URB2: variants seen among roughly 807,000 people sequenced by gnomAD.
URB2 encodes URB2 ribosome biogenesis homolog.
Under a neutral mutation model 120.9 loss-of-function variants are expected in URB2, and 86 were observed. That is an observed-to-expected ratio of 0.71 (90% CI 0.60 to 0.85). The LOEUF is 0.85. Among genes scored for constraint, URB2 ranks in the 40% least tolerant of loss-of-function variants. URB2 has a pLI of 0.00. For synonymous variants in URB2, 755 were observed against 758.4 expected, an observed-to-expected ratio of 1.00 and a Z score of 0.07; for missense variants, 1,765 against 1,836.5, an observed-to-expected ratio of 0.96 and a Z score of 0.71.
At position 229,636,584 on chromosome 1, in the gene URB2, G is replaced by A. The variant is rs759015131; in HGVS notation, c.1971G>A (p.Lys657=). The change falls in exon 4 of 10, where the codon AAG becomes AAA. Residue 657 remains lysine (K), a synonymous_variant. Transcript: ENST00000258243. ...CAGGTGTAAAAACACAGCATTGGAA[G>A]AAGATAGAGAAGTTTACAGCTCAGT... ...LLPGVKTQHW[K]KIEKFTAQFS... is the part of the protein sequence containing the mutation. 2 of 1,614,182 alleles carry A rather than the reference G, an allele frequency of 1.2e-6. No individual in the cohort carries two copies. The highest frequency in any genetic ancestry group is 1.1e-5 in the South Asian group (1 of 91,086).
In URB2 at chr1:229,636,027, G is replaced by A. The variant is rs772855980; in HGVS notation, c.1414G>A (p.Glu472Lys). 24 of 1,613,802 alleles carry A rather than the reference G, an allele frequency of 1.5e-5. No individual in the cohort carries two copies. The highest frequency in any genetic ancestry group is 1.6e-4 in the Middle Eastern group (1 of 6,082). ...KLRQVPRLFE[E>K]VLGVICRPAA... ...CCGACAAGTGCCACGGTTGTTTGAAGAGGTTTTGGGGGTGATCTGTCGTCC... is the reference window on the plus strand; with the variant it reads ...CCGACAAGTGCCACGGTTGTTTGAAAAGGTTTTGGGGGTGATCTGTCGTCC... The change falls in exon 4 of 10, where the codon GAG (glutamate) becomes AAG (lysine). Residue 472 changes from glutamate to lysine, a missense_variant. Transcript: ENST00000258243.
At position 229,636,883 on chromosome 1, in the gene URB2, A is replaced by G. The variant is rs115404211; in HGVS notation, c.2270A>G (p.Asp757Gly). ...LTILISYLCP[D>G]DVGYLASVLL... ...ATTTTAATATCCTATCTGTGTCCAG[A>G]TGATGTGGGATACCTGGCCAGTGTC... The change falls in exon 4 of 10, where the codon GAT (aspartate) becomes GGT (glycine). Residue 757 changes from aspartate to glycine, a missense_variant. Coordinates refer to ENST00000258243, the MANE Select transcript of URB2 (RefSeq NM_014777.4). 2.1e-5 allele frequency: 34 copies of G among 1,611,492 alleles called. No individual in the cohort carries two copies. In the African/African-American group the frequency reaches 2.4e-4, roughly 11 times the overall value.
chr1:229,642,537 A>AC (rs1666035421), intron 4 of URB2, among the ~76,000 whole-genome samples: 1 of 152,164 alleles, frequency 6.6e-6, no homozygotes, highest in South Asian at 2.1e-4. Context: ...TGGAAAGATG[A>AC]CCTGGGGCCA....
chr1:229,632,240 T>C, intron 2 of URB2, 29 bp from the exon 3 acceptor site: 1 of 1,490,374 alleles, frequency 6.7e-7, no homozygotes, highest in South Asian at 1.5e-5. Flanking sequence ...AATAAATTTA[T>C]TTTCAGTGTA....
chr1:229,655,057 T>C (rs1666374680), intron 9 of URB2, among the ~76,000 whole-genome samples: 1 of 152,208 alleles, frequency 6.6e-6, no homozygotes. Flanking sequence ...CAAGAGTTCA[T>C]GTATCTTTAC....
In URB2 at chr1:229,636,151, C is replaced by T. The variant is rs747507860; in HGVS notation, c.1538C>T (p.Thr513Met). 1.1e-5 allele frequency: 18 copies of T among 1,614,128 alleles called. No homozygotes were observed. The highest frequency in any genetic ancestry group is 3.3e-4 in the Middle Eastern group (2 of 6,082). The change falls in exon 4 of 10, where the codon ACG becomes ATG. Residue 513 changes from threonine (T) to methionine (M), a missense_variant. Transcript: ENST00000258243. ...CTGCCTCCAAGTCAGATCCTGGACA[C>T]GTGGTCCCTTGTGCTGGAGAAGTTC... is the stretch of plus-strand genomic sequence containing the variant. ...LELPPSQILD[T>M]WSLVLEKFQS...
chr1:229,647,505 T>C lies in URB2; in HGVS notation c.3907-5T>C. On this transcript the variant is annotated splice_polypyrimidine_tract_variant and splice_region_variant and intron_variant, in intron 6 of 9. Coordinates refer to ENST00000258243, the MANE Select transcript of URB2 (RefSeq NM_014777.4). ...ATTTTTCCTTTATTTTATTTTGCCCTTTAGCTCTTAAACCGAGAAGCTTCT... is the reference window on the plus strand; with the variant it reads ...ATTTTTCCTTTATTTTATTTTGCCCCTTAGCTCTTAAACCGAGAAGCTTCT... 6.2e-7 allele frequency: 1 copy of C among 1,611,780 alleles called. No homozygotes were observed. Among genetic ancestry groups the C allele is most frequent in the Non-Finnish European group, 8.5e-7 (1 of 1,178,172 alleles).
At chr1:229,649,394 A>G (rs1666219929) in intron 7 of URB2, among the ~76,000 whole-genome samples, 1 of 152,224 alleles carries the variant, frequency 6.6e-6, no homozygotes, top group Non-Finnish European at 1.5e-5. Context: ...TGCAATGCAC[A>G]TAAATTACAA....
In URB2 at chr1:229,660,120, T is replaced by G. The variant is rs1666489781; in HGVS notation, c.*823T>G. 1 of 152,244 alleles carries G rather than the reference T, an allele frequency of 6.6e-6. No homozygotes were observed. The highest frequency in any genetic ancestry group is 2.4e-5 in the African/African-American group (1 of 41,468). 9.4% of individuals were successfully genotyped at this position (152,244 alleles called of 1,614,324 possible). ...CTTGGAGTATCTTGTTGTAGTCCCT[T>G]TACTATGTGTATGTATATAGATGTG... On this transcript the variant is annotated 3_prime_UTR_variant, in exon 10 of 10. Transcript: ENST00000258243.
intron 4 of URB2, among the ~76,000 whole-genome samples, chr1:229,638,693 C>G (rs1665921731): frequency 6.6e-6 from 1 of 151,930 alleles, no homozygotes; most frequent in African/African-American, 2.4e-5. Flanking sequence ...GACCTCCCTT[C>G]TAGGCCCAGC....
chr1:229,635,013 G>T lies in URB2; in HGVS notation c.400G>T (p.Ala134Ser), dbSNP rs114308095. Residue 134 changes from alanine (A) to serine (S), a missense_variant, in exon 4 of 10, where the codon GCC becomes TCC. Physicochemically the swap from Ala to Ser is moderately conservative, Grantham distance 99. Transcript: ENST00000258243. ...TTGCCAGGGCATCCTGTCGACACCTGCCCTGGCTGTCATCTACACGGCCAA... is the reference window on the plus strand; with the variant it reads ...TTGCCAGGGCATCCTGTCGACACCTTCCCTGGCTGTCATCTACACGGCCAA... ...RCCQGILSTPALAVIYTAKQE... is the reference protein window; with the variant it reads ...RCCQGILSTPSLAVIYTAKQE... The T allele has an allele frequency of 2.6e-5, 42 of 1,613,570 alleles. No individual in the cohort carries two copies. In the South Asian group the frequency reaches 4.6e-4, roughly 18 times the overall value.
rs1215791374 is a variant in URB2, at chr1:229,636,123, G to A, written c.1510G>A (p.Glu504Lys). Residue 504 changes from glutamate (E) to lysine (K), a missense_variant, in exon 4 of 10, where the codon GAG becomes AAG. By Grantham distance (56) the Glu-to-Lys change is moderately conservative (BLOSUM62 1). Coordinates refer to ENST00000258243, the MANE Select transcript of URB2 (RefSeq NM_014777.4). ...CACGGTACTCTCTGCATGCCTCCTG[G>A]AGCTGCCTCCAAGTCAGATCCTGGA... ...PSTVLSACLL[E>K]LPPSQILDTW... The A allele has an allele frequency of 1.9e-6, 3 of 1,614,132 alleles. No homozygotes were observed. The highest frequency in any genetic ancestry group is 2.5e-6 in the Non-Finnish European group (3 of 1,180,054).
Position 229,627,603 on chromosome 1 carries a change from A to G in URB2, c.-13-18A>G, listed in dbSNP as rs1665539942. 2 of 1,598,284 alleles carry G rather than the reference A, an allele frequency of 1.3e-6. No homozygotes were observed. Among genetic ancestry groups the G allele is most frequent in the African/African-American group, 1.4e-5 (1 of 73,802 alleles). Reference sequence around the variant, plus strand: ...ACATTGTTATAGTATTTTTTTTCCCATTGTTTTTAAATTTTAGATAAAGCC... The same window carrying G: ...ACATTGTTATAGTATTTTTTTTCCCGTTGTTTTTAAATTTTAGATAAAGCC... On this transcript the variant is annotated intron_variant, in intron 1 of 9. Coordinates refer to ENST00000258243, the MANE Select transcript of URB2 (RefSeq NM_014777.4).
intron 2 of URB2, among the ~76,000 whole-genome samples, chr1:229,628,170 T>TACATATAC: frequency 6.9e-6 from 1 of 144,178 alleles, no homozygotes; most frequent in African/African-American, 2.5e-5. Flanking sequence ...ATGTATAGTA[T>TACATATAC]ATATGTATAT....
chr1:229,629,522 C>G (rs971136130), intron 2 of URB2, among the ~76,000 whole-genome samples: 1 of 152,130 alleles, frequency 6.6e-6, no homozygotes, highest in Non-Finnish European at 1.5e-5. Context: ...TATGTTTATA[C>G]TATACTGTGG....
chr1:229,632,580 T>C (rs1034653725), intron 3 of URB2, 135 bp downstream of exon 3: 80 of 705,724 alleles, frequency 1.1e-4, no homozygotes, highest in Non-Finnish European at 1.6e-4. Context: ...TGTAATATTA[T>C]TGGAATTAAA....
chr1:229,632,344 G>A lies in URB2; in HGVS notation c.202G>A (p.Glu68Lys). Residue 68 changes from glutamate to lysine, a missense_variant, in exon 3 of 10, where the codon GAA becomes AAA. By Grantham distance (56) the Glu-to-Lys change is moderately conservative. Coordinates refer to ENST00000258243, the MANE Select transcript of URB2 (RefSeq NM_014777.4). The stretch of plus-strand genomic sequence containing the variant: ...GCTTGAACTGAAGGAAGATATTGTT[G>A]AAAGGCTTTGGATCTATATAGATAA... ...KKLELKEDIV[E>K]RLWIYIDNIL... 6.3e-7 allele frequency: 1 copy of A among 1,596,674 alleles called. No homozygotes were observed.
rs751635755 is a variant in URB2, at chr1:229,635,886, C to T, written c.1273C>T (p.Pro425Ser). Residue 425 changes from proline (P) to serine (S), a missense_variant, in exon 4 of 10, where the codon CCA becomes TCA. Coordinates refer to ENST00000258243, the MANE Select transcript of URB2 (RefSeq NM_014777.4). ...LISLNHLILE[P>S]DLDDLLASAW... ...ATCTCTGAATCATTTGATTTTGGAGCCAGACCTGGATGACCTGCTGGCTTC... is the reference window on the plus strand; with the variant it reads ...ATCTCTGAATCATTTGATTTTGGAGTCAGACCTGGATGACCTGCTGGCTTC... 4.3e-6 allele frequency: 7 copies of T among 1,614,210 alleles called. No individual in the cohort carries two copies. The South Asian group carries it at 5.5e-5, about 13-fold the overall frequency.
Position 229,636,715 on chromosome 1 carries a change from G to T in URB2, c.2102G>T (p.Arg701Met), listed in dbSNP as rs775180318. 1 of 1,613,540 alleles carries T rather than the reference G, an allele frequency of 6.2e-7. No homozygotes were observed. The highest frequency in any genetic ancestry group is 1.1e-5 in the South Asian group (1 of 91,026). ...TCTGAAGGAGCCATCCAAAGTTTGAGGTGCGATGCTGCCTTTATTATTGGT... is the reference window on the plus strand; with the variant it reads ...TCTGAAGGAGCCATCCAAAGTTTGATGTGCGATGCTGCCTTTATTATTGGT... ...FRSEGAIQSL[R>M]CDAAFIIGSG... Residue 701 changes from arginine (R) to methionine (M), a missense_variant, in exon 4 of 10, where the codon AGG becomes ATG. Arg to Met is a moderately conservative substitution (Grantham distance 91). Coordinates refer to ENST00000258243, the MANE Select transcript of URB2 (RefSeq NM_014777.4).
Sources: allele counts gnomAD v4.1 joint callset (sites outside exome capture counted in the v4.1 genomes callset), GRCh38; gene constraint gnomAD v4.1.1; transcripts MANE v1.5; gene names NCBI Gene and HGNC (gene_info 2026-07-23, HGNC 2026-07-21).